The following CPQ variants were observed in gnomAD, a reference collection of about 807,000 sequenced individuals.
CPQ encodes Ser-Met dipeptidase.
CPQ carries 37 observed loss-of-function variants against 45.7 expected under a neutral mutation model. The ratio of observed to expected loss-of-function variants is 0.81; its 90% CI spans 0.62 to 1.07. The LOEUF is 1.07. Among genes scored for constraint, CPQ ranks in the 50% least tolerant of loss-of-function variants. CPQ has a pLI of 0.00. For synonymous variants in CPQ, 186 were observed against 205.8 expected (o/e 0.90, Z 0.82); for missense variants, 537 against 572.9 (o/e 0.94, Z 0.64).
chr8:96,867,095 A>G (rs993798272), intron 3 of CPQ, among the ~76,000 whole-genome samples: 9 of 152,104 alleles, frequency 5.9e-5, no homozygotes, highest in Admixed American at 4.6e-4. Flanking sequence ...TCTCCAAGAC[A>G]TGTGAGAAGA....
intron 3 of CPQ, among the ~76,000 whole-genome samples, chr8:96,854,672 G>GAATT (rs1329492453): frequency 6.6e-6 from 1 of 150,802 alleles, no homozygotes; most frequent in East Asian, 2.0e-4. Flanking sequence ...TTATCATAAA[G>GAATT]AATTGGTTCA....
At chr8:97,110,486 G>T (rs1811482007) in intron 7 of CPQ, among the ~76,000 whole-genome samples, 1 of 152,036 alleles carries the variant, frequency 6.6e-6, no homozygotes. Flanking sequence ...TCTAGGAGTG[G>T]GATTGCCAGG....
At chr8:96,804,901 A>G (rs1406581761) in intron 2 of CPQ, among the ~76,000 whole-genome samples, 1 of 152,118 alleles carries the variant, frequency 6.6e-6, no homozygotes, top group Non-Finnish European at 1.5e-5. Context: ...AAATTACCAT[A>G]AAACATTTAG....
chr8:96,895,343 G>C (rs1292550376), intron 4 of CPQ, among the ~76,000 whole-genome samples: 1 of 152,090 alleles, frequency 6.6e-6, no homozygotes. Context: ...TCTTCTATGA[G>C]TATCTTTATA....
chr8:96,928,820 G>T (rs1050659293), intron 4 of CPQ, among the ~76,000 whole-genome samples: 2 of 152,114 alleles, frequency 1.3e-5, no homozygotes, highest in African/African-American at 4.8e-5. Context: ...ATGATACTCC[G>T]AGTCTGAGGG....
intron 7 of CPQ, among the ~76,000 whole-genome samples, chr8:97,087,910 T>C (rs1244538555): frequency 6.6e-6 from 1 of 152,218 alleles, no homozygotes; most frequent in Non-Finnish European, 1.5e-5. Context: ...TTGGAATATT[T>C]CTAGGTATCT....
At chr8:96,906,463 G>C (rs775529967) in intron 4 of CPQ, among the ~76,000 whole-genome samples, 7 of 152,184 alleles carry the variant, frequency 4.6e-5, no homozygotes, top group Non-Finnish European at 1.0e-4. Context: ...AAGGAAGTAT[G>C]TATGCATATA....
At chr8:96,752,294 T>C (rs1315393026) in intron 1 of CPQ, among the ~76,000 whole-genome samples, 2 of 152,244 alleles carry the variant, frequency 1.3e-5, no homozygotes, top group Non-Finnish European at 2.9e-5. Flanking sequence ...TTGTGTCCTC[T>C]CTGATTTATT....
At chr8:96,937,391 G>A (rs1170332595) in intron 4 of CPQ, among the ~76,000 whole-genome samples, 14 of 152,080 alleles carry the variant, frequency 9.2e-5, no homozygotes, top group African/African-American at 2.7e-4. Context: ...GGCAGGTGTC[G>A]GTGGCCACCC....
chr8:96,680,389 G>T (rs1461396043), intron 1 of CPQ: 1 of 152,148 alleles, frequency 6.6e-6, no homozygotes, highest in Non-Finnish European at 1.5e-5. Context: ...TCTTTCTCAT[G>T]CTATTCTCAT....
intron 3 of CPQ, among the ~76,000 whole-genome samples, chr8:96,841,844 G>C (rs902973649): frequency 6.6e-6 from 1 of 152,132 alleles, no homozygotes; most frequent in Non-Finnish European, 1.5e-5. Context: ...GAGGGAGAAT[G>C]CTATACCATC....
intron 1 of CPQ, among the ~76,000 whole-genome samples, chr8:96,760,391 T>C (rs1236815388): frequency 1.3e-5 from 2 of 152,166 alleles, no homozygotes; most frequent in Admixed American, 6.6e-5. Flanking sequence ...AAGAAACGTA[T>C]GCAAGATTGT....
chr8:96,938,926 G>A (rs1813088425), intron 4 of CPQ, among the ~76,000 whole-genome samples: 1 of 152,146 alleles, frequency 6.6e-6, no homozygotes, highest in Admixed American at 6.5e-5. Flanking sequence ...ACGATTCTGG[G>A]ACTTTTTGTT....
intron 5 of CPQ, among the ~76,000 whole-genome samples, chr8:97,022,290 A>G (rs1408882741): frequency 6.6e-6 from 1 of 152,244 alleles, no homozygotes; most frequent in Non-Finnish European, 1.5e-5. Flanking sequence ...TCCAGAAGAT[A>G]ACATTGGAAA....
Position 96,789,347 on chromosome 8 carries a change from G to A in CPQ, c.433+4017G>A, listed in dbSNP as rs188412601. 2.6e-5 allele frequency among the ~76,000 whole-genome samples: 4 copies of A among 151,984 alleles called. No homozygotes were observed. In the East Asian group the frequency reaches 5.8e-4, roughly 22 times the overall value. On this transcript the variant is annotated intron_variant, in intron 2 of 7. Coordinates refer to ENST00000220763, the MANE Select transcript of CPQ (RefSeq NM_016134.4). ...TACCTGGTCATTCATTTGTTTAATC[G>A]CTTGACTGTACTAACTCTGTGATGT...
intron 6 of CPQ, chr8:97,055,449 A>C (rs1810438057): frequency 6.6e-6 from 1 of 152,190 alleles, no homozygotes; most frequent in Non-Finnish European, 1.5e-5. Context: ...TTCTTTAGTC[A>C]TAAAGCCAAA....
chr8:96,984,776 G>C (rs1190927836), intron 5 of CPQ, among the ~76,000 whole-genome samples: 1 of 152,158 alleles, frequency 6.6e-6, no homozygotes, highest in African/African-American at 2.4e-5. Flanking sequence ...GATCATAATA[G>C]TATCTAATTA....
intron 7 of CPQ, chr8:97,092,427 C>G (rs1446936585): frequency 6.6e-6 from 1 of 152,172 alleles, no homozygotes; most frequent in African/African-American, 2.4e-5. Context: ...AACTATACTA[C>G]AAGCCTGCAG....
chr8:96,964,639 A>G (rs1813524814), intron 4 of CPQ, among the ~76,000 whole-genome samples: 1 of 152,218 alleles, frequency 6.6e-6, no homozygotes, highest in Admixed American at 6.5e-5. Flanking sequence ...CTCACATATT[A>G]AAGATCTTAG....
Sources: allele counts gnomAD v4.1 joint callset (sites outside exome capture counted in the v4.1 genomes callset), GRCh38; gene constraint gnomAD v4.1.1; transcripts MANE v1.5; gene names NCBI Gene and HGNC (gene_info 2026-07-23, HGNC 2026-07-21).